ARID5B: variants seen among roughly 807,000 people sequenced by gnomAD.
The protein encoded by ARID5B is AT-rich interactive domain-containing protein 5B.
ARID5B carries 13 observed loss-of-function variants against 97.2 expected under a neutral mutation model. The ratio of observed to expected loss-of-function variants is 0.13; its 90% confidence interval spans 0.09 to 0.21. The LOEUF is 0.21. ARID5B is among the 10% of genes least tolerant of loss of function. ARID5B has a pLI of 1.00. For missense variants in ARID5B, 1,210 were observed against 1,465.3 expected (o/e 0.83, Z 2.84); for synonymous variants, 556 against 570.3 (o/e 0.97, Z 0.36).
intron 3 of ARID5B, among the ~76,000 whole-genome samples, chr10:61,974,189 C>T (rs1458362967): frequency 1.3e-5 from 2 of 152,140 alleles, no homozygotes; most frequent in Non-Finnish European, 2.9e-5. Context: ...TAATTATTTC[C>T]GCAAGACAAT....
At chr10:62,058,728 C>T (rs1295189061) in intron 6 of ARID5B, among the ~76,000 whole-genome samples, 1 of 152,146 alleles carries the variant, frequency 6.6e-6, no homozygotes, top group African/African-American at 2.4e-5. Context: ...TGCCAGCCAC[C>T]ACATGTTGGT....
intron 2 of ARID5B, among the ~76,000 whole-genome samples, chr10:61,929,461 G>C (rs968716110): frequency 6.6e-6 from 1 of 152,162 alleles, no homozygotes; most frequent in Non-Finnish European, 1.5e-5. Context: ...GATAAGAAAA[G>C]TTCATGTTCT....
At chr10:61,938,803 G>T (rs912777402) in intron 2 of ARID5B, among the ~76,000 whole-genome samples, 1 of 151,648 alleles carries the variant, frequency 6.6e-6, no homozygotes, top group Non-Finnish European at 1.5e-5. Context: ...CTCTGCTGCT[G>T]CCTAATAGAC....
intron 4 of ARID5B, chr10:62,049,292 T>A (rs1839753187): frequency 4.1e-6 from 6 of 1,466,364 alleles, no homozygotes; most frequent in Non-Finnish European, 4.5e-6. Context: ...CTGCTGTGTG[T>A]TTACATGAGT....
At chr10:62,055,754 C>T (rs987795285) in intron 5 of ARID5B, among the ~76,000 whole-genome samples, 9 of 152,104 alleles carry the variant, frequency 5.9e-5, no homozygotes, top group Admixed American at 2.0e-4. Flanking sequence ...CAGGACCAGT[C>T]GAAAGATATT....
At chr10:61,946,069 TATATATTA>T (rs1844493861) in intron 3 of ARID5B, among the ~76,000 whole-genome samples, 1 of 148,192 alleles carries the variant, frequency 6.7e-6, no homozygotes, top group South Asian at 2.1e-4. Context: ...TTTATATATT[TATATATTA>T]ATATATATTT....
chr10:61,973,410 G>A (rs1005009329), intron 3 of ARID5B, among the ~76,000 whole-genome samples: 1 of 152,176 alleles, frequency 6.6e-6, no homozygotes, highest in Non-Finnish European at 1.5e-5. Context: ...CCAGGGCTCT[G>A]GGGAGTTCAT....
intron 7 of ARID5B, among the ~76,000 whole-genome samples, chr10:62,059,732 T>A (rs569900553): frequency 6.6e-6 from 1 of 152,306 alleles, no homozygotes; most frequent in East Asian, 1.9e-4. Flanking sequence ...GAATCTCCTC[T>A]CATTCTAGGG....
At chr10:62,019,350 C>A (rs1423910257) in intron 4 of ARID5B, among the ~76,000 whole-genome samples, 1 of 152,198 alleles carries the variant, frequency 6.6e-6, no homozygotes, top group Non-Finnish European at 1.5e-5. Context: ...TAATTTACGG[C>A]ACTGGCAGCC....
At chr10:62,004,300 C>T (rs142638163) in intron 4 of ARID5B, among the ~76,000 whole-genome samples, 1 of 152,302 alleles carries the variant, frequency 6.6e-6, no homozygotes, top group Non-Finnish European at 1.5e-5. Context: ...GCTTCAGTCT[C>T]GACATTCTGC....
At chr10:61,990,915 C>T in intron 3 of ARID5B, among the ~76,000 whole-genome samples, 1 of 152,078 alleles carries the variant, frequency 6.6e-6, no homozygotes, top group African/African-American at 2.4e-5. Context: ...CTCTCCATTC[C>T]TTCCAACCCT....
rs532092263 is a variant in ARID5B, at chr10:61,970,618, C to T, written c.503-29473C>T. ...AAATGGAAACTGCTGGCAAGAGCGC[C>T]GAGGAGGTTGATAGAAGCAATGCTA... is the stretch of plus-strand genomic sequence containing the variant. On this transcript the variant is annotated intron_variant, in intron 3 of 9. Coordinates refer to ENST00000279873, the MANE Select transcript of ARID5B (RefSeq NM_032199.3). 1.1e-4 allele frequency among the ~76,000 whole-genome samples: 16 copies of T among 152,196 alleles called. 1 individual carries two copies. Among genetic ancestry groups the T allele is most frequent in the South Asian group, 4.1e-4 (2 of 4,820 alleles).
intron 4 of ARID5B, among the ~76,000 whole-genome samples, chr10:62,029,600 T>C (rs1370447009): frequency 6.6e-6 from 1 of 152,216 alleles, no homozygotes; most frequent in Middle Eastern, 3.2e-3. Flanking sequence ...AATTTACAGA[T>C]GAGGAAACTG....
chr10:61,954,497 A>T (rs1589233514), intron 3 of ARID5B, among the ~76,000 whole-genome samples: 1 of 152,170 alleles, frequency 6.6e-6, no homozygotes, highest in Non-Finnish European at 1.5e-5. Context: ...TTAACAGCTG[A>T]TGCTAGTTGG....
At chr10:61,963,735 G>A (rs1838505945) in intron 3 of ARID5B, among the ~76,000 whole-genome samples, 2 of 152,052 alleles carry the variant, frequency 1.3e-5, no homozygotes, top group Admixed American at 6.6e-5. Flanking sequence ...TTCTGTGCCT[G>A]TGTCCTGATT....
intron 2 of ARID5B, among the ~76,000 whole-genome samples, chr10:61,925,455 A>G (rs2132775660): frequency 6.6e-6 from 1 of 152,310 alleles, no homozygotes; most frequent in South Asian, 2.1e-4. Flanking sequence ...GTTAAAAAAA[A>G]AATAGACCAT....
At chr10:61,996,893 A>T (rs115523770) in intron 3 of ARID5B, among the ~76,000 whole-genome samples, 12,448 of 146,982 alleles carry the variant, frequency 0.085, 532 homozygotes, top group South Asian at 0.11. Flanking sequence ...CTGAAAAAAA[A>T]AAATATATAT....
At chr10:61,932,568 C>A (rs1049664862) in intron 2 of ARID5B, among the ~76,000 whole-genome samples, 1 of 151,958 alleles carries the variant, frequency 6.6e-6, no homozygotes, top group African/African-American at 2.4e-5. Context: ...TGCCACCACA[C>A]CTGGCTAATT....
chr10:62,027,656 C>T (rs1839439976), intron 4 of ARID5B, among the ~76,000 whole-genome samples: 1 of 152,006 alleles, frequency 6.6e-6, no homozygotes, highest in South Asian at 2.1e-4. Context: ...GTGCTTTGTA[C>T]AGCCGGGCAG....
Sources: allele counts gnomAD v4.1 joint callset (sites outside exome capture counted in the v4.1 genomes callset), GRCh38; gene constraint gnomAD v4.1.1; transcripts MANE v1.5; gene names NCBI Gene and HGNC (gene_info 2026-07-23, HGNC 2026-07-21).